Variants in DDX60L observed in about 807,000 individuals in gnomAD.
DDX60L encodes probable ATP-dependent RNA helicase DDX60-like.
Under a neutral mutation model 211.6 loss-of-function variants are expected in DDX60L, and 191 were observed. That is an observed-to-expected ratio of 0.90 (90% CI 0.80 to 1.02). The LOEUF is 1.02. DDX60L is among the 50% of genes least tolerant of loss of function. DDX60L has a pLI of 0.00. For missense variants in DDX60L, 2,007 were observed against 1,984.1 expected (o/e 1.01, Z -0.22); for synonymous variants, 706 against 694.1 (o/e 1.02, Z -0.27).
chr4:168,386,895 T>C (rs1484438371), intron 29 of DDX60L, among the ~76,000 whole-genome samples: 1 of 152,206 alleles, frequency 6.6e-6, no homozygotes, highest in Non-Finnish European at 1.5e-5. Context: ...AGAATATACA[T>C]ATTTTAGATA....
At chr4:168,359,696 C>A (rs1224175591) in intron 37 of DDX60L, among the ~76,000 whole-genome samples, 1 of 152,176 alleles carries the variant, frequency 6.6e-6, no homozygotes, top group South Asian at 2.1e-4. Context: ...CTTTGTCTAC[C>A]ATTTGTCTCA....
intron 37 of DDX60L, among the ~76,000 whole-genome samples, chr4:168,358,595 T>C (rs1014683720): frequency 6.7e-6 from 1 of 149,062 alleles, no homozygotes; most frequent in Non-Finnish European, 1.5e-5. Context: ...TGGCGTGATC[T>C]GATCTCGGCT....
At chr4:168,427,019 C>T (rs1360750255) in intron 14 of DDX60L, 51 bp downstream of exon 14, 2 of 1,513,356 alleles carry the variant, frequency 1.3e-6, no homozygotes. Context: ...ATGTTAACAT[C>T]ATTAATATTT....
Position 168,375,528 on chromosome 4 carries a change from T to C in DDX60L, c.4486-4A>G, listed in dbSNP as rs373112630. On this transcript the variant is annotated splice_polypyrimidine_tract_variant and splice_region_variant and intron_variant, in intron 33 of 37. Transcript: ENST00000682922. ...CCGGGAGTTCGGCAAGGATCACCTA[T>C]GGGCGAAATACATTTCAGAAAGATC... is the stretch of plus-strand genomic sequence containing the variant. 1.3e-4 allele frequency: 203 copies of C among 1,590,312 alleles called. No homozygotes were observed. The East Asian group carries it at 2.8e-3, about 22-fold the overall frequency.
chr4:168,461,866 C>CT lies in DDX60L; in HGVS notation c.438dup (p.Glu147ArgfsTer6), dbSNP rs778983904. 10 of 1,610,764 alleles carry CT rather than the reference C, an allele frequency of 6.2e-6. No homozygotes were observed. The Admixed American group carries it at 1.7e-4, about 27-fold the overall frequency. The stretch of plus-strand genomic sequence containing the variant: ...GTTTGTAAATCACTCAGGCCTTCCT[C>CT]TGAAACTATCAGAAAATACGGGTAA... On this transcript the variant is annotated frameshift_variant, in exon 5 of 38. Coordinates refer to ENST00000682922, the MANE Select transcript of DDX60L (RefSeq NM_001012967.3). LOFTEE classifies it high-confidence loss of function.
chr4:168,455,985 T>C, intron 7 of DDX60L, 54 bp downstream of exon 7: 2 of 1,261,126 alleles, frequency 1.6e-6, no homozygotes, highest in South Asian at 1.4e-5. Flanking sequence ...GTTATACCAG[T>C]TACACCTGAT....
At chr4:168,374,996 T>G (rs1432658528) in intron 34 of DDX60L, among the ~76,000 whole-genome samples, 1 of 152,234 alleles carries the variant, frequency 6.6e-6, no homozygotes, top group Admixed American at 6.5e-5. Flanking sequence ...GTAACCACTA[T>G]GCAACTGCCC....
chr4:168,456,749 CAT>C (rs1756622900), intron 6 of DDX60L, among the ~76,000 whole-genome samples: 1 of 152,050 alleles, frequency 6.6e-6, no homozygotes, highest in Non-Finnish European at 1.5e-5. Context: ...ATACAAAAAA[CAT>C]ATACATCAAA....
intron 10 of DDX60L, 65 bp from the exon 11 acceptor site, chr4:168,433,180 T>C (rs1752597475): frequency 3.6e-6 from 4 of 1,117,940 alleles, no homozygotes; most frequent in African/African-American, 3.2e-5. Flanking sequence ...ATTTTGAACA[T>C]TATTTTTAAA....
Position 168,420,337 on chromosome 4 carries a change from G to A in DDX60L, c.2438C>T (p.Thr813Ile). Reference protein sequence around the residue: ...QVAATVENRFTKTLPAGRTLC... With the variant: ...QVAATVENRFIKTLPAGRTLC... ...AGTTCTGCCGGCAGGCAACGTTTTA[G>A]TAAAACGATTCTCAACAGTTGCAGC... The change falls in exon 18 of 38, where the codon ACT becomes ATT. Residue 813 changes from threonine (T) to isoleucine (I), a missense_variant. Coordinates refer to ENST00000682922, the MANE Select transcript of DDX60L (RefSeq NM_001012967.3). The A allele has an allele frequency of 6.2e-7, 1 of 1,611,190 alleles. No homozygotes were observed. The highest frequency in any genetic ancestry group is 8.5e-7 in the Non-Finnish European group (1 of 1,179,230).
Position 168,395,966 on chromosome 4 carries a change from T to G in DDX60L, c.3650A>C (p.Lys1217Thr), listed in dbSNP as rs200095264. Residue 1217 changes from lysine to threonine, a missense_variant, in exon 27 of 38, where the codon AAA becomes ACA. Lys to Thr is a moderately conservative substitution (Grantham distance 78). Coordinates refer to ENST00000682922, the MANE Select transcript of DDX60L (RefSeq NM_001012967.3). Reference protein sequence around the residue: ...KALHTEITRNKDSTLERVLPR... With the variant: ...KALHTEITRNTDSTLERVLPR... ...AATAATTCTCTGACGTACTGAGTCT[T>G]TATTCCTGGTAATTTCAGTGTGTAG... The G allele has an allele frequency of 4.1e-5, 66 of 1,598,458 alleles. No individual in the cohort carries two copies. The highest frequency in any genetic ancestry group is 1.3e-5 in the African/African-American group (1 of 74,158).
Position 168,443,161 on chromosome 4 carries a change from C to A in DDX60L, c.1139-1669G>T, listed in dbSNP as rs1423335988. Among the ~76,000 whole-genome samples the A allele has an allele frequency of 1.5e-4, 23 of 151,920 alleles. 1 individual carries two copies. In the East Asian group the frequency reaches 4.3e-3, roughly 28 times the overall value. On this transcript the variant is annotated intron_variant, in intron 9 of 37. Coordinates refer to ENST00000682922, the MANE Select transcript of DDX60L (RefSeq NM_001012967.3). ...TTAGACGAATGTACAACTAGAATAA[C>A]CAATACAGAGAAGTGCTTAAAGGAG...
Position 168,405,341 on chromosome 4 carries a change from C to T in DDX60L, c.3213+609G>A, listed in dbSNP as rs369155256. Among the ~76,000 whole-genome samples, 6 of 152,042 alleles carry T rather than the reference C, an allele frequency of 3.9e-5. 1 individual carries two copies. Among genetic ancestry groups the T allele is most frequent in the East Asian group, 3.8e-4 (2 of 5,196 alleles). ...CCATTTTTATCTTTATTTCTTTCAC[C>T]ACCAGAGTGAAAAATGCAAATAAAC... On this transcript the variant is annotated intron_variant, in intron 24 of 37. Transcript: ENST00000682922.
intron 14 of DDX60L, 74 bp downstream of exon 14, chr4:168,426,996 G>A (rs1751556320): frequency 7.1e-7 from 1 of 1,416,808 alleles, no homozygotes; most frequent in Non-Finnish European, 9.5e-7. Context: ...GCACAACCAT[G>A]CATTCAGTAA....
chr4:168,363,868 C>T (rs1024121616), intron 36 of DDX60L, among the ~76,000 whole-genome samples: 2 of 151,958 alleles, frequency 1.3e-5, no homozygotes, highest in African/African-American at 2.4e-5. Context: ...ATAATTACCT[C>T]GAAAATAAAT....
At chr4:168,428,762 G>A (rs534866671) in intron 13 of DDX60L, among the ~76,000 whole-genome samples, 40 of 152,290 alleles carry the variant, frequency 2.6e-4, no homozygotes, top group African/African-American at 8.7e-4. Flanking sequence ...TGATCGCAAA[G>A]TAGTACCTTC....
intron 37 of DDX60L, among the ~76,000 whole-genome samples, chr4:168,359,422 C>T (rs1203806690): frequency 6.6e-6 from 1 of 152,130 alleles, no homozygotes; most frequent in Non-Finnish European, 1.5e-5. Context: ...TATCATTAAC[C>T]AAATTAGAAA....
In DDX60L at chr4:168,390,208, T is replaced by C. The variant is rs1473995724; in HGVS notation, c.3915+1332A>G. The C allele has an allele frequency of 1.5e-5, 15 of 1,024,012 alleles. No homozygotes were observed. In the South Asian group the frequency reaches 2.3e-4, roughly 16 times the overall value. 63.4% of individuals were successfully genotyped at this position (1,024,012 alleles called of 1,614,324 possible). Reference sequence around the variant, plus strand: ...TGTGGTCCATAGTAAATAAATGATGTTGGATTTCTTCCAAACTAGTGATTT... The same window carrying C: ...TGTGGTCCATAGTAAATAAATGATGCTGGATTTCTTCCAAACTAGTGATTT... On this transcript the variant is annotated intron_variant, in intron 29 of 37. Transcript: ENST00000682922.
rs1325855576 is a variant in DDX60L, at chr4:168,440,755, CA to C, written c.1294+581del. On this transcript the variant is annotated intron_variant, in intron 10 of 37. Coordinates refer to ENST00000682922, the MANE Select transcript of DDX60L (RefSeq NM_001012967.3). ...TCATTAGTTCCTCCTTCATATCCAT[CA>C]GCACCTTTGTAATCATTTTACCGCT... Among the ~76,000 whole-genome samples the C allele has an allele frequency of 2.0e-5, 3 of 152,296 alleles. No individual in the cohort carries two copies. The East Asian group carries it at 5.8e-4, about 29-fold the overall frequency.
Sources: gnomAD v4.1 joint callset for allele counts (sites outside exome capture counted in the v4.1 genomes callset) on GRCh38, gnomAD v4.1.1 for gene constraint, MANE v1.5 for transcripts, NCBI Gene and HGNC (gene_info 2026-07-23, HGNC 2026-07-21) for gene names.